SNRPB: variants seen among roughly 807,000 people sequenced by gnomAD.
SNRPB encodes small nuclear ribonucleoprotein polypeptides B and B1, also known as small nuclear ribonucleoprotein-associated proteins B and B'.
In SNRPB, 5 loss-of-function variants were observed where a neutral mutation model predicts 26.6. That is an observed-to-expected ratio of 0.19 (90% CI 0.10 to 0.39). The LOEUF (loss-of-function observed/expected upper bound fraction) is 0.39, where lower values mean the gene tolerates loss of function less well. Among genes scored for constraint, SNRPB ranks in the 10% least tolerant of loss-of-function variants. The probability of loss-of-function intolerance (pLI) is 1.00; values close to 1 mark genes in which losing one functional copy is unlikely to be tolerated. For missense variants in SNRPB, 211 were observed against 311.9 expected (o/e 0.68, Z 2.44); for synonymous variants, 122 against 105.8 (o/e 1.15, Z -0.94).
chr20:2,468,696 T>G (rs2085090016), intron 1 of SNRPB, among the ~76,000 whole-genome samples: 1 of 152,214 alleles, frequency 6.6e-6, no homozygotes, highest in African/African-American at 2.4e-5. Context: ...GAGGCCGAGG[T>G]GGGCAGAACA....
chr20:2,469,462 TG>T (rs2085098161), intron 1 of SNRPB, among the ~76,000 whole-genome samples: 1 of 151,938 alleles, frequency 6.6e-6, no homozygotes, highest in African/African-American at 2.4e-5. Context: ...GAGGCCAAGG[TG>T]GGTGGATTAA....
rs1347896162 is a variant in SNRPB at position 2,463,023 on chromosome 20, T to G, written c.559+66A>C. ...ATCATCAGCTTCAGTCAAGGTTATA[T>G]CTCATCATTAATCCAGCTAAGGCAT... On this transcript the variant is annotated intron_variant, in intron 5 of 6. Coordinates refer to ENST00000381342, the MANE Select transcript of SNRPB (RefSeq NM_003091.4). The surrounding 1 kb of genome is among the most constrained non-coding windows in gnomAD (Gnocchi z 5.0). The G allele has an allele frequency of 1.5e-6, 2 of 1,355,258 alleles. No individual in the cohort carries two copies. The highest frequency in any genetic ancestry group is 2.9e-5 in the African/African-American group (2 of 68,508). The allele number at this position is 1,355,258 out of a possible 1,614,324, so 84.0% of individuals were successfully genotyped here.
Position 2,464,527 on chromosome 20 carries a change from T to G in SNRPB, c.268-628A>C, listed in dbSNP as rs6114373. The stretch of plus-strand genomic sequence containing the variant: ...AAAATGATTAGGATAAACTACTCTG[T>G]ACTCATTTGAGAAAATCTCAGTCAT... On this transcript the variant is annotated intron_variant, in intron 3 of 6. Transcript: ENST00000381342. Among the ~76,000 whole-genome samples the G allele has an allele frequency of 4.7e-3, 713 of 152,366 alleles. 6 individuals carry two copies. Among genetic ancestry groups the G allele is most frequent in the African/African-American group, 0.016 (669 of 41,582 alleles).
chr20:2,469,414 G>C (rs1046729620), intron 1 of SNRPB, among the ~76,000 whole-genome samples: 1 of 152,224 alleles, frequency 6.6e-6, no homozygotes, highest in Non-Finnish European at 1.5e-5. Context: ...TCAGTGGGCA[G>C]GGTGTGGTGG....
rs532908020 is a variant in SNRPB at position 2,465,665 on chromosome 20, G to A, written c.267+43C>T. The A allele has an allele frequency of 2.0e-5, 27 of 1,328,946 alleles. No homozygotes were observed. In the South Asian group the frequency reaches 2.5e-4, roughly 12 times the overall value. The allele number at this position is 1,328,946 out of a possible 1,614,324, so 82.3% of individuals were successfully genotyped here. On this transcript the variant is annotated intron_variant, in intron 3 of 6. Coordinates refer to ENST00000381342, the MANE Select transcript of SNRPB (RefSeq NM_003091.4). ...AATCTAACACAGAGCCTGGCTCACAGTAGGGCCTCCCCTCCTCCACAAGGC... is the reference window on the plus strand; with the variant it reads ...AATCTAACACAGAGCCTGGCTCACAATAGGGCCTCCCCTCCTCCACAAGGC...
intron 1 of SNRPB, among the ~76,000 whole-genome samples, chr20:2,470,112 G>A (rs1007542662): frequency 3.3e-5 from 5 of 152,230 alleles, no homozygotes; most frequent in Non-Finnish European, 5.9e-5. Flanking sequence ...ATTTCAGAGA[G>A]TAGCCCCAGC....
intron 3 of SNRPB, among the ~76,000 whole-genome samples, chr20:2,464,635 ATG>A (rs2085059430): frequency 6.6e-6 from 1 of 152,222 alleles, no homozygotes; most frequent in African/African-American, 2.4e-5. Flanking sequence ...TATGCCCACT[ATG>A]TGTTAAGTAC....
intron 1 of SNRPB, 59 bp downstream of exon 1, chr20:2,470,629 G>A: frequency 4.4e-6 from 7 of 1,608,808 alleles, no homozygotes; most frequent in South Asian, 2.2e-5. Flanking sequence ...GATCAGTCGC[G>A]GTTCCCACTC....
chr20:2,465,667 A>G (rs779752227), intron 3 of SNRPB, 41 bp downstream of exon 3: 2 of 1,329,824 alleles, frequency 1.5e-6, no homozygotes, highest in Non-Finnish European at 2.2e-6. Flanking sequence ...GGCTCACAGT[A>G]GGGCCTCCCC....
chr20:2,465,726 C>G lies in SNRPB; in HGVS notation c.249G>C (p.Glu83Asp). The change falls in exon 3 of 7, where the codon GAG becomes GAC. Residue 83 changes from glutamate (E) to aspartate (D), a missense_variant. By Grantham distance (45) the Glu-to-Asp change is conservative. Coordinates refer to ENST00000381342, the MANE Select transcript of SNRPB (RefSeq NM_003091.4). The stretch of plus-strand genomic sequence containing the variant: ...GACTTACATCTTTGGGAGGAGGTCC[C>G]TCTACTGTCATTGAGACCAGATTCT... ...RGENLVSMTV[E>D]GPPPKDTGIA... is the part of the protein sequence containing the mutation. The G allele has an allele frequency of 6.2e-7, 1 of 1,612,816 alleles. No individual in the cohort carries two copies. The highest frequency in any genetic ancestry group is 1.1e-5 in the South Asian group (1 of 91,058).
chr20:2,467,586 C>T (rs1449813537), intron 2 of SNRPB, 21 bp downstream of exon 2: 3 of 1,610,604 alleles, frequency 1.9e-6, no homozygotes, highest in South Asian at 2.2e-5. Flanking sequence ...CAGTCTCCGC[C>T]CCCCACAGTC....
At chr20:2,470,421 T>C (rs1039042593) in intron 1 of SNRPB, among the ~76,000 whole-genome samples, 4 of 152,252 alleles carry the variant, frequency 2.6e-5, no homozygotes, top group Admixed American at 6.5e-5. Context: ...CCAGGAATTA[T>C]GGCTACAGCG....
chr20:2,469,184 G>A (rs1238694873), intron 1 of SNRPB, among the ~76,000 whole-genome samples: 1 of 152,158 alleles, frequency 6.6e-6, no homozygotes, highest in Non-Finnish European at 1.5e-5. Flanking sequence ...TACAGATGAG[G>A]TCACTGAGGC....
In SNRPB at chr20:2,465,747, A is replaced by G; in HGVS notation, c.228T>C (p.Asn76=). The change falls in exon 3 of 7, where the codon AAT becomes AAC. Residue 76 remains asparagine, a synonymous_variant. Coordinates refer to ENST00000381342, the MANE Select transcript of SNRPB (RefSeq NM_003091.4). ...GTCCCTCTACTGTCATTGAGACCAGATTCTCCCCTCGCAGCAGCACCAGAC... is the reference window on the plus strand; with the variant it reads ...GTCCCTCTACTGTCATTGAGACCAGGTTCTCCCCTCGCAGCAGCACCAGAC... ...VLGLVLLRGE[N]LVSMTVEGPP... 1.2e-6 allele frequency: 2 copies of G among 1,613,538 alleles called. No homozygotes were observed. Among genetic ancestry groups the G allele is most frequent in the Non-Finnish European group, 1.7e-6 (2 of 1,179,932 alleles).
intron 1 of SNRPB, among the ~76,000 whole-genome samples, chr20:2,468,039 G>C (rs2085086253): frequency 6.6e-6 from 1 of 152,198 alleles, no homozygotes; most frequent in Non-Finnish European, 1.5e-5. Context: ...GCAGGGATGA[G>C]AGTATAGGGT....
intron 3 of SNRPB, 77 bp downstream of exon 3, chr20:2,465,631 A>G: frequency 1.0e-6 from 1 of 982,974 alleles, no homozygotes; most frequent in Non-Finnish European, 1.6e-6. Flanking sequence ...GAGAACTGCA[A>G]TGAAACAGAA....
chr20:2,462,640 C>T lies in SNRPB; in HGVS notation c.681G>A (p.Met227Ile), dbSNP rs1311175208. 1 of 1,613,088 alleles carries T rather than the reference C, an allele frequency of 6.2e-7. No homozygotes were observed. Among genetic ancestry groups the T allele is most frequent in the Non-Finnish European group, 8.5e-7 (1 of 1,179,178 alleles). The change falls in exon 6 of 7, where the codon ATG (methionine) becomes ATA (isoleucine). Residue 227 changes from methionine (M) to isoleucine (I), a missense_variant. Coordinates refer to ENST00000381342, the MANE Select transcript of SNRPB (RefSeq NM_003091.4). ...GTCACCACTGCAGGCACTTACCTCG[C>T]ATCCCAGGGGGAGGAGGCCGCATTC... ...PPGMRPPPPG[M>I]RGLL
At chr20:2,465,658 G>A (rs1225091723) in intron 3 of SNRPB, 50 bp downstream of exon 3, 3 of 1,239,478 alleles carry the variant, frequency 2.4e-6, no homozygotes, top group Middle Eastern at 3.8e-4. Flanking sequence ...ACAGAGCCTG[G>A]CTCACAGTAG....
chr20:2,462,600 G>A, intron 6 of SNRPB, 36 bp downstream of exon 6: 1 of 1,597,664 alleles, frequency 6.3e-7, no homozygotes, highest in Non-Finnish European at 8.6e-7. Context: ...CTAGGCTCTA[G>A]GGAAAGAAGC....
Sources: allele counts gnomAD v4.1 joint callset (sites outside exome capture counted in the v4.1 genomes callset), GRCh38; gene constraint gnomAD v4.1.1; non-coding constraint Gnocchi (gnomAD v3.1); transcripts MANE v1.5; gene names NCBI Gene and HGNC (gene_info 2026-07-23, HGNC 2026-07-21).